TMTC2: variants seen among roughly 807,000 people sequenced by gnomAD.
TMTC2 encodes protein O-mannosyl-transferase TMTC2.
Under a neutral mutation model 82.4 loss-of-function variants are expected in TMTC2, and 43 were observed. That is an observed-to-expected ratio of 0.52 (90% CI 0.41 to 0.67). TMTC2 has a LOEUF of 0.67. TMTC2 is among the 30% of genes least tolerant of loss of function. TMTC2 has a pLI of 0.00. For missense variants in TMTC2, 919 were observed against 1,012.4 expected (o/e 0.91, Z 1.25); for synonymous variants, 408 against 381.9 (o/e 1.07, Z -0.80).
At chr12:83,078,467 C>T (rs1251999607) in intron 11 of TMTC2, among the ~76,000 whole-genome samples, 2 of 152,062 alleles carry the variant, frequency 1.3e-5, no homozygotes, top group East Asian at 1.9e-4. Flanking sequence ...AGAAGAGAAC[C>T]GAGAAGACTG....
intron 1 of TMTC2, among the ~76,000 whole-genome samples, chr12:82,772,249 A>T (rs912682372): frequency 6.6e-6 from 1 of 152,316 alleles, no homozygotes; most frequent in South Asian, 2.1e-4. Flanking sequence ...AGCCAACTTC[A>T]TGCATTTTAT....
At chr12:82,917,174 T>C (rs917952881) in intron 3 of TMTC2, among the ~76,000 whole-genome samples, 1 of 150,508 alleles carries the variant, frequency 6.6e-6, no homozygotes, top group African/African-American at 2.5e-5. Context: ...GAAGACAGTC[T>C]ACTTTAAAAA....
At chr12:82,765,462 G>T (rs1876899781) in intron 1 of TMTC2, among the ~76,000 whole-genome samples, 1 of 152,088 alleles carries the variant, frequency 6.6e-6, no homozygotes, top group South Asian at 2.1e-4. Flanking sequence ...ATCACCTGAG[G>T]TTGGGAGTTT....
chr12:82,693,471 C>T (rs1255746653), intron 1 of TMTC2, among the ~76,000 whole-genome samples: 1 of 151,734 alleles, frequency 6.6e-6, no homozygotes, highest in Non-Finnish European at 1.5e-5. Context: ...GATGTCTGAA[C>T]TCTTTGAGTT....
At chr12:82,938,700 A>C (rs1214132163) in intron 4 of TMTC2, among the ~76,000 whole-genome samples, 1 of 152,160 alleles carries the variant, frequency 6.6e-6, no homozygotes, top group Non-Finnish European at 1.5e-5. Flanking sequence ...CTGTGTTTTC[A>C]TGTGGCAAGA....
At chr12:82,723,518 C>T (rs1874306378) in intron 1 of TMTC2, among the ~76,000 whole-genome samples, 1 of 152,120 alleles carries the variant, frequency 6.6e-6, no homozygotes, top group Non-Finnish European at 1.5e-5. Context: ...GGACCTATGT[C>T]TAAACATGAA....
chr12:82,930,609 A>G, intron 4 of TMTC2, 64 bp downstream of exon 4: 9 of 964,162 alleles, frequency 9.3e-6, no homozygotes, highest in Non-Finnish European at 1.4e-5. Context: ...GGGACTATTG[A>G]TTTAACTGCT....
intron 1 of TMTC2, among the ~76,000 whole-genome samples, chr12:82,783,239 G>A (rs1227887806): frequency 6.8e-6 from 1 of 146,468 alleles, no homozygotes; most frequent in Non-Finnish European, 1.5e-5. Flanking sequence ...TAGGTGCTGG[G>A]TAGGTTTAAA....
intron 4 of TMTC2, among the ~76,000 whole-genome samples, chr12:82,949,198 A>C (rs1877210177): frequency 1.3e-5 from 2 of 152,242 alleles, no homozygotes; most frequent in African/African-American, 2.4e-5. Flanking sequence ...AATTACATAA[A>C]GATTAGACGT....
At chr12:83,131,380 A>G (rs1467242168) in intron 11 of TMTC2, among the ~76,000 whole-genome samples, 2 of 152,152 alleles carry the variant, frequency 1.3e-5, no homozygotes, top group Admixed American at 6.5e-5. Flanking sequence ...AACTGGTGCA[A>G]CATAACTCAT....
intron 3 of TMTC2, 117 bp from the exon 4 acceptor site, chr12:82,930,311 CCTT>C: frequency 1.8e-6 from 1 of 556,108 alleles, no homozygotes; most frequent in Non-Finnish European, 3.2e-6. Flanking sequence ...AATACATTTT[CCTT>C]CTTAAAAATG....
intron 11 of TMTC2, among the ~76,000 whole-genome samples, chr12:83,091,510 A>T (rs929409428): frequency 6.6e-6 from 1 of 152,194 alleles, no homozygotes; most frequent in Admixed American, 6.5e-5. Flanking sequence ...AGCAGTTCAC[A>T]TTCTCACTGG....
intron 1 of TMTC2, among the ~76,000 whole-genome samples, chr12:82,721,240 A>G (rs1391363225): frequency 6.6e-6 from 1 of 152,140 alleles, no homozygotes; most frequent in Non-Finnish European, 1.5e-5. Context: ...CATGTTGCCC[A>G]TGCTGTCTGT....
intron 2 of TMTC2, among the ~76,000 whole-genome samples, chr12:82,870,964 A>C (rs1012126103): frequency 6.6e-6 from 1 of 152,202 alleles, no homozygotes. Flanking sequence ...TTCATTCTGC[A>C]GTATAATCTT....
At chr12:83,088,641 C>T (rs1254136469) in intron 11 of TMTC2, among the ~76,000 whole-genome samples, 1 of 152,152 alleles carries the variant, frequency 6.6e-6, no homozygotes, top group Non-Finnish European at 1.5e-5. Flanking sequence ...ATTGAGCAGT[C>T]AGAGCACACA....
intron 11 of TMTC2, among the ~76,000 whole-genome samples, chr12:83,087,284 C>A (rs1262323889): frequency 2.6e-5 from 4 of 152,128 alleles, no homozygotes; most frequent in Non-Finnish European, 5.9e-5. Context: ...AATTCTAATT[C>A]TCTTGTTCTT....
At chr12:82,704,880 C>G (rs1395889384) in intron 1 of TMTC2, among the ~76,000 whole-genome samples, 1 of 152,104 alleles carries the variant, frequency 6.6e-6, no homozygotes, top group Non-Finnish European at 1.5e-5. Flanking sequence ...GAAAAAGATA[C>G]TTGCACACGC....
intron 8 of TMTC2, among the ~76,000 whole-genome samples, chr12:82,991,762 AAGAG>A (rs1413493946): frequency 6.6e-5 from 10 of 152,228 alleles, no homozygotes; most frequent in African/African-American, 2.4e-4. Flanking sequence ...GGCATGCTAA[AAGAG>A]AGAAAAGAAG....
At chr12:83,120,623 T>G (rs1338234612) in intron 11 of TMTC2, among the ~76,000 whole-genome samples, 1 of 152,214 alleles carries the variant, frequency 6.6e-6, no homozygotes, top group Non-Finnish European at 1.5e-5. Flanking sequence ...CTGGTGACAG[T>G]GTGCCTAGGT....
Sources: gnomAD v4.1 joint callset for allele counts (sites outside exome capture counted in the v4.1 genomes callset) on GRCh38, gnomAD v4.1.1 for gene constraint, MANE v1.5 for transcripts, NCBI Gene and HGNC (gene_info 2026-07-23, HGNC 2026-07-21) for gene names.